Variants in SLC28A1 observed in about 807,000 individuals in gnomAD.
SLC28A1 encodes the protein solute carrier family 28 member 1, also known as sodium/nucleoside cotransporter 1.
A neutral mutation model predicts 74.8 loss-of-function variants in SLC28A1; 64 were observed. The observed-to-expected ratio is 0.86, with a 90% CI of 0.70 to 1.05. The LOEUF is 1.05. Among genes scored for constraint, SLC28A1 ranks in the 50% least tolerant of loss-of-function variants. The pLI is 0.00. For missense variants in SLC28A1, 828 were observed against 822.8 expected (o/e 1.01, Z -0.08); for synonymous variants, 359 against 335.0 (o/e 1.07, Z -0.78).
At chr15:84,955,152 G>A in the SLC28A1 span, among the ~76,000 whole-genome samples, 1 of 152,132 alleles carries the variant, frequency 6.6e-6, no homozygotes, top group African/African-American at 2.4e-5. Flanking sequence ...TGCCAGACAC[G>A]AGCGAAAAAG....
At chr15:84,949,120 T>C (rs2079329292), downstream of SLC28A1, among the ~76,000 whole-genome samples, 1 of 152,236 alleles carries the variant, frequency 6.6e-6, no homozygotes, top group African/African-American at 2.4e-5. Flanking sequence ...TTCCCTTCTC[T>C]GAGCCAGGCA....
At chr15:84,897,897 T>C (rs1181725154) in intron 6 of SLC28A1, among the ~76,000 whole-genome samples, 1 of 152,248 alleles carries the variant, frequency 6.6e-6, no homozygotes, top group African/African-American at 2.4e-5. Flanking sequence ...TGTCTTTCTG[T>C]GCTTGGCTTA....
At chr15:84,918,657 G>T (rs752047888) in intron 10 of SLC28A1, 53 bp downstream of exon 10, 10 of 1,361,938 alleles carry the variant, frequency 7.3e-6, no homozygotes, top group Non-Finnish European at 9.5e-6. Flanking sequence ...CAGCTCACAG[G>T]GTTCACACTG....
intron 5 of SLC28A1, among the ~76,000 whole-genome samples, chr15:84,892,317 G>A (rs1965455858): frequency 2.0e-5 from 3 of 152,296 alleles, no homozygotes; most frequent in Admixed American, 2.0e-4. Context: ...GGTCTGCTTG[G>A]TGAACTTGAA....
chr15:84,905,723 G>C, intron 8 of SLC28A1, 71 bp downstream of exon 8: 2 of 1,121,548 alleles, frequency 1.8e-6, no homozygotes, highest in South Asian at 2.5e-5. Flanking sequence ...CACTTGGCAG[G>C]GGGAAAAGTG....
At position 84,935,037 on chromosome 15, in the gene SLC28A1, A is replaced by G. The variant is rs1174011667; in HGVS notation, c.1226A>G (p.Asn409Ser). The G allele has an allele frequency of 1.2e-6, 2 of 1,614,120 alleles. No homozygotes were observed. The highest frequency in any genetic ancestry group is 3.3e-5 in the Admixed American group (2 of 60,032). ...GATCCCAACAACAGAGATGCTCAGAACCTCATAGAAGCAGCCAGCACTGGG... is the reference window on the plus strand; with the variant it reads ...GATCCCAACAACAGAGATGCTCAGAGCCTCATAGAAGCAGCCAGCACTGGG... ...GVKLTYGDAQNLIEAASTGAA... is the reference protein window; with the variant it reads ...GVKLTYGDAQSLIEAASTGAA... Residue 409 changes from asparagine (N) to serine (S), a missense_variant, in exon 14 of 19, where the codon AAC becomes AGC. By Grantham distance (46) the Asn-to-Ser change is conservative (BLOSUM62 1). Around this residue, in one of 3 missense-constraint regions of SLC28A1, gnomAD observed 767 missense variants for 753.5 expected, o/e 1.02. Coordinates refer to ENST00000394573, the MANE Select transcript of SLC28A1 (RefSeq NM_004213.5).
intron 6 of SLC28A1, among the ~76,000 whole-genome samples, chr15:84,897,846 A>C (rs1966169827): frequency 6.6e-6 from 1 of 152,206 alleles, no homozygotes; most frequent in African/African-American, 2.4e-5. Context: ...CATAAGATGT[A>C]CTTTTTAAGC....
At chr15:84,905,773 G>C in intron 8 of SLC28A1, 121 bp downstream of exon 8, 1 of 788,316 alleles carries the variant, frequency 1.3e-6, no homozygotes, top group Non-Finnish European at 2.2e-6. Flanking sequence ...CCTGGAGGGT[G>C]GGGTGGACTG....
chr15:84,914,724 C>T (rs1382821834), intron 9 of SLC28A1, among the ~76,000 whole-genome samples: 2 of 152,184 alleles, frequency 1.3e-5, no homozygotes, highest in African/African-American at 2.4e-5. Flanking sequence ...AGCACTGCCT[C>T]GAGCTGCTGC....
chr15:84,957,118 T>C, the SLC28A1 span, among the ~76,000 whole-genome samples: 21 of 152,230 alleles, frequency 1.4e-4, no homozygotes, highest in Non-Finnish European at 1.5e-5. Flanking sequence ...TGATATACTA[T>C]AAAATTACCC....
chr15:84,944,077 C>A (rs1344435205), intron 16 of SLC28A1, among the ~76,000 whole-genome samples: 2 of 152,206 alleles, frequency 1.3e-5, no homozygotes, highest in African/African-American at 2.4e-5. Context: ...CTTTGGCCTG[C>A]CTGTTCCCAC....
At chr15:84,967,719 C>T in the SLC28A1 span, among the ~76,000 whole-genome samples, 1 of 152,084 alleles carries the variant, frequency 6.6e-6, no homozygotes, top group Non-Finnish European at 1.5e-5. Context: ...GAAAGGGAAC[C>T]TACGAGGCCC....
intron 12 of SLC28A1, among the ~76,000 whole-genome samples, chr15:84,928,245 C>G (rs774106780): frequency 1.3e-5 from 2 of 152,158 alleles, no homozygotes; most frequent in Admixed American, 1.3e-4. Flanking sequence ...TTTACAGTCT[C>G]TGGTTTGAAA....
At chr15:84,931,160 C>T (rs951235928) in intron 12 of SLC28A1, among the ~76,000 whole-genome samples, 2 of 151,750 alleles carry the variant, frequency 1.3e-5, no homozygotes, top group African/African-American at 4.8e-5. Context: ...CCCGCCTTGG[C>T]CTCCCAAAAT....
intron 12 of SLC28A1, among the ~76,000 whole-genome samples, chr15:84,924,650 A>G (rs75402447): frequency 0.021 from 3,244 of 152,288 alleles, 123 homozygotes; most frequent in African/African-American, 0.075. Context: ...AGCAATCACA[A>G]TGCTACTGCA....
intron 9 of SLC28A1, among the ~76,000 whole-genome samples, chr15:84,911,858 CAAAAA>C (rs57067372): frequency 2.8e-4 from 32 of 114,678 alleles, no homozygotes; most frequent in Middle Eastern, 4.4e-3. Flanking sequence ...GACTCCATCT[CAAAAA>C]AAAAAAAAAA....
the SLC28A1 span, among the ~76,000 whole-genome samples, chr15:84,956,442 C>CCTTCCTTTCTTTCTTTCTTTCTTT: frequency 2.4e-5 from 3 of 124,568 alleles, no homozygotes; most frequent in African/African-American, 1.0e-4. Context: ...TTCCTTCCTT[C>CCTTCCTTTCTTTCTTTCTTTCTTT]CTTTCTTTCT....
At chr15:84,905,195 G>C (rs1966906000) in intron 7 of SLC28A1, among the ~76,000 whole-genome samples, 1 of 152,180 alleles carries the variant, frequency 6.6e-6, no homozygotes, top group African/African-American at 2.4e-5. Flanking sequence ...GCTGGGCCCA[G>C]AGTAGTCTGG....
At chr15:84,941,573 C>A (rs1311968452) in intron 15 of SLC28A1, among the ~76,000 whole-genome samples, 1 of 151,770 alleles carries the variant, frequency 6.6e-6, no homozygotes, top group African/African-American at 2.4e-5. Context: ...TCTGTTATTT[C>A]TAAACTTATA....
Sources: gnomAD v4.1 joint callset for allele counts (sites outside exome capture counted in the v4.1 genomes callset) on GRCh38, gnomAD v4.1.1 for gene constraint, gnomAD v4.1.1 regional missense constraint, MANE v1.5 for transcripts, NCBI Gene and HGNC (gene_info 2026-07-23, HGNC 2026-07-21) for gene names.